Variants in GID8 observed in about 807,000 individuals in gnomAD.
GID8 encodes the protein glucose-induced degradation protein 8 homolog.
A neutral mutation model predicts 27.4 loss-of-function variants in GID8; 6 were observed. The observed-to-expected ratio is 0.22, with a 90% CI of 0.12 to 0.43. The LOEUF (loss-of-function observed/expected upper bound fraction) is 0.43. Among genes scored for constraint, GID8 ranks in the 20% least tolerant of loss-of-function variants. The probability of loss-of-function intolerance (pLI) is 1.00; values close to 1 mark genes in which losing one functional copy is unlikely to be tolerated. For missense variants in GID8, 173 were observed against 287.6 expected, an observed-to-expected ratio of 0.60 and a Z score of 2.88; for synonymous variants, 112 against 109.0, an observed-to-expected ratio of 1.03 and a Z score of -0.17.
chr20:62,940,390 C>T (rs545252117), intron 1 of GID8, among the ~76,000 whole-genome samples: 66 of 149,418 alleles, frequency 4.4e-4, no homozygotes, highest in Middle Eastern at 3.5e-3. Context: ...TGTTCTGTCG[C>T]CCAGGCTGGA....
chr20:62,946,017 C>T lies in GID8; in HGVS notation c.*1105C>T. ...AGTGGTGCAGGGCTGCGTGCATTGCCTGCGAGTCGGGACAGTTGATGGGCA... is the reference window on the plus strand; with the variant it reads ...AGTGGTGCAGGGCTGCGTGCATTGCTTGCGAGTCGGGACAGTTGATGGGCA... On this transcript the variant is annotated 3_prime_UTR_variant, in exon 5 of 5. Coordinates refer to ENST00000266069, the MANE Select transcript of GID8 (RefSeq NM_017896.3). 1.6e-6 allele frequency: 2 copies of T among 1,289,314 alleles called. No individual in the cohort carries two copies. Among genetic ancestry groups the T allele is most frequent in the South Asian group, 1.2e-5 (1 of 81,028 alleles). The allele number at this position is 1,289,314 out of a possible 1,614,324, so 79.9% of individuals were successfully genotyped here. A position where few individuals can be genotyped will look rare whatever the true frequency, so the allele number is the denominator to read the frequency against.
rs2065469651 is a variant in GID8 at position 62,947,080 on chromosome 20, G to C, written c.*2168G>C. ...AGTGCTGGTGTTGATTTCCATTTCA[G>C]CCAGTGGGTAGCTGATAAGCCAGTG... On this transcript the variant is annotated 3_prime_UTR_variant, in exon 5 of 5. Coordinates refer to ENST00000266069, the MANE Select transcript of GID8 (RefSeq NM_017896.3). 1 of 152,244 alleles carries C rather than the reference G, an allele frequency of 6.6e-6. No homozygotes were observed. The highest frequency in any genetic ancestry group is 2.4e-5 in the African/African-American group (1 of 41,458). The allele number at this position is 152,244 out of a possible 1,614,324, so 9.4% of individuals were successfully genotyped here. A position where few individuals can be genotyped will look rare whatever the true frequency, so the allele number is the denominator to read the frequency against.
intron 2 of GID8, 119 bp downstream of exon 2, chr20:62,941,739 AAC>A (rs1315553726): frequency 5.7e-6 from 4 of 704,676 alleles, no homozygotes; most frequent in African/African-American, 1.7e-5. Flanking sequence ...ACATTATGAA[AAC>A]ACAATGCTAA....
In GID8 at chr20:62,941,719, T is replaced by G. The variant is rs1016156465; in HGVS notation, c.118+99T>G. ...CACTGAGGTTTGATGACGTAGTTAT[T>G]TGTGTTCAGACATTATGAAAACACA... On this transcript the variant is annotated intron_variant, in intron 2 of 4. Coordinates refer to ENST00000266069, the MANE Select transcript of GID8 (RefSeq NM_017896.3). 8 of 759,326 alleles carry G rather than the reference T, an allele frequency of 1.1e-5. No individual in the cohort carries two copies. In the African/African-American group the frequency reaches 1.4e-4, roughly 13 times the overall value. 47.0% of individuals were successfully genotyped at this position (759,326 alleles called of 1,614,324 possible).
rs566126055 is a variant in GID8, at chr20:62,943,491, C to T, written c.316-4C>T. 1.2e-6 allele frequency: 2 copies of T among 1,611,546 alleles called. No individual in the cohort carries two copies. The highest frequency in any genetic ancestry group is 4.5e-5 in the East Asian group (2 of 44,882). Reference sequence around the variant, plus strand: ...GGGTCAAGCTTGTCTGTCTCTGCCTCCAGCAACAGCATTTGATCGAGCTGA... The same window carrying T: ...GGGTCAAGCTTGTCTGTCTCTGCCTTCAGCAACAGCATTTGATCGAGCTGA... On this transcript the variant is annotated splice_polypyrimidine_tract_variant and splice_region_variant and intron_variant, in intron 3 of 4. Coordinates refer to ENST00000266069, the MANE Select transcript of GID8 (RefSeq NM_017896.3). The surrounding 1 kb of genome is among the most constrained non-coding windows in gnomAD (Gnocchi z 4.7).
At position 62,944,742 on chromosome 20, in the gene GID8, T is replaced by C; in HGVS notation, c.517T>C (p.Trp173Arg). 1 of 1,607,764 alleles carries C rather than the reference T, an allele frequency of 6.2e-7. No homozygotes were observed. Among genetic ancestry groups the C allele is most frequent in the Non-Finnish European group, 8.5e-7 (1 of 1,174,200 alleles). Residue 173 changes from tryptophan (W) to arginine (R), a missense_variant, in exon 5 of 5, where the codon TGG becomes CGG. Trp to Arg is a moderately radical substitution (Grantham distance 101, BLOSUM62 -3). Transcript: ENST00000266069. ...LLHTMQRQKV[W>R]SEVNQAVLDY... ...ATCAGATGTATTTATATTCTAGGTGTGGAGTGAAGTTAACCAAGCTGTGCT... is the reference window on the plus strand; with the variant it reads ...ATCAGATGTATTTATATTCTAGGTGCGGAGTGAAGTTAACCAAGCTGTGCT...
intron 1 of GID8, among the ~76,000 whole-genome samples, chr20:62,939,567 C>T (rs953479885): frequency 2.0e-5 from 3 of 152,166 alleles, no homozygotes; most frequent in Non-Finnish European, 2.9e-5. Context: ...TTCTTCCAGT[C>T]CTTCCTCCTT....
rs1164134389 is a variant in GID8 at position 62,948,151 on chromosome 20, G to A, written c.*3239G>A. The A allele has an allele frequency of 2.6e-5, 4 of 152,262 alleles. No individual in the cohort carries two copies. The highest frequency in any genetic ancestry group is 7.2e-5 in the African/African-American group (3 of 41,470). The allele number at this position is 152,262 out of a possible 1,614,324, so 9.4% of individuals were successfully genotyped here. A position where few individuals can be genotyped will look rare whatever the true frequency, so the allele number is the denominator to read the frequency against. On this transcript the variant is annotated 3_prime_UTR_variant, in exon 5 of 5. Transcript: ENST00000266069. ...AGACCCATGGCTGGCGCAGCTGCCTGTTGCCGTCTGTCTTCAGTAACTGCT... is the reference window on the plus strand; with the variant it reads ...AGACCCATGGCTGGCGCAGCTGCCTATTGCCGTCTGTCTTCAGTAACTGCT...
In GID8 at chr20:62,938,149, CCTT is replaced by C. The variant is rs1299978346; in HGVS notation, c.-114_-112del. On this transcript the variant is annotated 5_prime_UTR_variant, in exon 1 of 5. Coordinates refer to ENST00000266069, the MANE Select transcript of GID8 (RefSeq NM_017896.3). ...TCCGCCGCGGCCCCCACCTCTGCCT[CCTT>C]CTACTCGGGCGCCCCGGCGGCCGCC... is the stretch of plus-strand genomic sequence containing the variant. The C allele has an allele frequency of 6.7e-6, 2 of 298,090 alleles. No individual in the cohort carries two copies. Among genetic ancestry groups the C allele is most frequent in the South Asian group, 3.1e-4 (2 of 6,532 alleles). 18.5% of individuals were successfully genotyped at this position (298,090 alleles called of 1,614,324 possible). A position where few individuals can be genotyped will look rare whatever the true frequency, so the allele number is the denominator to read the frequency against.
At chr20:62,942,879 T>C in intron 2 of GID8, 108 bp from the exon 3 acceptor site, 2 of 723,466 alleles carry the variant, frequency 2.8e-6, no homozygotes, top group Non-Finnish European at 4.8e-6. Flanking sequence ...AAAGTGTGGT[T>C]CACATCAGAG....
chr20:62,941,649 C>A (rs754211003), intron 2 of GID8, 29 bp downstream of exon 2: 3 of 1,194,262 alleles, frequency 2.5e-6, no homozygotes, highest in Non-Finnish European at 3.8e-6. Flanking sequence ...GATGCTGTTG[C>A]ATGAATGTGA....
chr20:62,944,467 T>G (rs886476273), intron 4 of GID8, among the ~76,000 whole-genome samples: 2 of 151,898 alleles, frequency 1.3e-5, no homozygotes, highest in Non-Finnish European at 2.9e-5. Flanking sequence ...GTGAGGAGGG[T>G]GCTGGTATGT....
Position 62,945,541 on chromosome 20 carries a change from C to G in GID8, c.*629C>G. 9.4e-7 allele frequency: 1 copy of G among 1,065,840 alleles called. No individual in the cohort carries two copies. Among genetic ancestry groups the G allele is most frequent in the Non-Finnish European group, 1.1e-6 (1 of 876,096 alleles). The allele number at this position is 1,065,840 out of a possible 1,614,324, so 66.0% of individuals were successfully genotyped here. A position where few individuals can be genotyped will look rare whatever the true frequency, so the allele number is the denominator to read the frequency against. On this transcript the variant is annotated 3_prime_UTR_variant, in exon 5 of 5. Coordinates refer to ENST00000266069, the MANE Select transcript of GID8 (RefSeq NM_017896.3). ...AATTTTTTAAATATATATTTTGGTG[C>G]TGTGTGTGGTAAGAGACTTGTTCCT... is the stretch of plus-strand genomic sequence containing the variant.
Position 62,946,686 on chromosome 20 carries a change from A to C in GID8, c.*1774A>C, listed in dbSNP as rs1476777794. On this transcript the variant is annotated 3_prime_UTR_variant, in exon 5 of 5. Coordinates refer to ENST00000266069, the MANE Select transcript of GID8 (RefSeq NM_017896.3). Reference sequence around the variant, plus strand: ...CTACCCCCTAGAAATGCTGCCTTCCAACTACCACTCTCCCAGATGTGACCC... The same window carrying C: ...CTACCCCCTAGAAATGCTGCCTTCCCACTACCACTCTCCCAGATGTGACCC... The C allele has an allele frequency of 6.6e-6, 1 of 151,386 alleles. No homozygotes were observed. The highest frequency in any genetic ancestry group is 1.9e-4 in the East Asian group (1 of 5,198). 9.4% of individuals were successfully genotyped at this position (151,386 alleles called of 1,614,324 possible).
intron 1 of GID8, among the ~76,000 whole-genome samples, chr20:62,940,052 AAAAC>A (rs1488688771): frequency 3.3e-5 from 5 of 152,320 alleles, no homozygotes; most frequent in South Asian, 2.1e-4. Flanking sequence ...TATTTAAAAA[AAAAC>A]AAACAAAATA....
rs2065459647 is a variant in GID8, at chr20:62,944,964, C to A, written c.*52C>A. 1.3e-6 allele frequency: 2 copies of A among 1,556,068 alleles called. No homozygotes were observed. Among genetic ancestry groups the A allele is most frequent in the Non-Finnish European group, 1.7e-6 (2 of 1,149,236 alleles). On this transcript the variant is annotated 3_prime_UTR_variant, in exon 5 of 5. Transcript: ENST00000266069. ...CACCAGCCCTGCGTCGTGGGACTTGCCTCAGATCAGCCTGCGACTGCAAGA... is the reference window on the plus strand; with the variant it reads ...CACCAGCCCTGCGTCGTGGGACTTGACTCAGATCAGCCTGCGACTGCAAGA...
chr20:62,944,892 G>T lies in GID8; in HGVS notation c.667G>T (p.Val223Leu). 2 of 1,613,020 alleles carry T rather than the reference G, an allele frequency of 1.2e-6. No individual in the cohort carries two copies. Among genetic ancestry groups the T allele is most frequent in the South Asian group, 2.2e-5 (2 of 90,946 alleles). ...YPKMTDLSKG[V>L]IEEPK is the part of the protein sequence containing the mutation. ...CAAAATGACAGACCTCAGCAAGGGT[G>T]TGATTGAGGAGCCCAAGTAGCGCCT... Residue 223 changes from valine (V) to leucine (L), a missense_variant, in exon 5 of 5, where the codon GTG (valine) becomes TTG (leucine). Physicochemically the swap from Val to Leu is conservative, Grantham distance 32. Coordinates refer to ENST00000266069, the MANE Select transcript of GID8 (RefSeq NM_017896.3).
At chr20:62,940,055 A>G (rs1266948192) in intron 1 of GID8, among the ~76,000 whole-genome samples, 1 of 152,142 alleles carries the variant, frequency 6.6e-6, no homozygotes, top group Non-Finnish European at 1.5e-5. Context: ...TTAAAAAAAA[A>G]CAAACAAAAT....
Position 62,944,733 on chromosome 20 carries a change from T to C in GID8, c.514-6T>C, listed in dbSNP as rs541658823. The C allele has an allele frequency of 6.3e-7, 1 of 1,597,982 alleles. No individual in the cohort carries two copies. The highest frequency in any genetic ancestry group is 2.2e-5 in the East Asian group (1 of 44,814). On this transcript the variant is annotated splice_polypyrimidine_tract_variant and splice_region_variant and intron_variant, in intron 4 of 4. Transcript: ENST00000266069. ...GTGGTTTTTATCAGATGTATTTATA[T>C]TCTAGGTGTGGAGTGAAGTTAACCA...
Sources: gnomAD v4.1 joint callset for allele counts (sites outside exome capture counted in the v4.1 genomes callset) on GRCh38, gnomAD v4.1.1 for gene constraint, Gnocchi (gnomAD v3.1) non-coding constraint, MANE v1.5 for transcripts, NCBI Gene and HGNC (gene_info 2026-07-23, HGNC 2026-07-21) for gene names.